TMEM266: variants seen among roughly 807,000 people sequenced by gnomAD.
TMEM266 encodes the protein Hv1 related protein 1.
Under a neutral mutation model 50.5 loss-of-function variants are expected in TMEM266, and 33 were observed. That is an observed-to-expected ratio of 0.65 (90% CI 0.50 to 0.87). The LOEUF is 0.87. Among genes scored for constraint, TMEM266 ranks in the 40% least tolerant of loss-of-function variants. The probability of loss-of-function intolerance (pLI) is 0.00; values close to 1 mark genes in which losing one functional copy is unlikely to be tolerated. For synonymous variants in TMEM266, 310 were observed against 292.3 expected (o/e 1.06, Z -0.62); for missense variants, 655 against 695.1 (o/e 0.94, Z 0.65).
At chr15:76,122,760 G>A (rs1294830863) in intron 1 of TMEM266, among the ~76,000 whole-genome samples, 1 of 152,144 alleles carries the variant, frequency 6.6e-6, no homozygotes, top group Non-Finnish European at 1.5e-5. Flanking sequence ...ATCAGGCTGG[G>A]GCTGAGGATT....
Position 76,190,044 on chromosome 15 carries a change from T to C in TMEM266, c.769-1924T>C, listed in dbSNP as rs1390000258. ...GTGAATGCTTTTAGTTGTATGTGTT[T>C]TACGTTCATAAAAGTAAAATCAACA... On this transcript the variant is annotated intron_variant, in intron 8 of 10. Transcript: ENST00000388942. Among the ~76,000 whole-genome samples, 14 of 152,306 alleles carry C rather than the reference T, an allele frequency of 9.2e-5. No homozygotes were observed. The East Asian group carries it at 2.5e-3, about 27-fold the overall frequency.
chr15:76,080,793 C>G (rs1215167559), intron 1 of TMEM266, among the ~76,000 whole-genome samples: 1 of 152,062 alleles, frequency 6.6e-6, no homozygotes, highest in East Asian at 1.9e-4. Flanking sequence ...GCCACCCAAG[C>G]TAGAGTGAAA....
chr15:76,130,662 A>G (rs565322861), intron 1 of TMEM266, among the ~76,000 whole-genome samples: 1 of 152,232 alleles, frequency 6.6e-6, no homozygotes, highest in African/African-American at 2.4e-5. Flanking sequence ...GGCATCTAGG[A>G]TTTATTCCAA....
At position 76,204,246 on chromosome 15, in the gene TMEM266, C is replaced by T; in HGVS notation, c.1527C>T (p.Pro509=). The T allele has an allele frequency of 3.7e-6, 6 of 1,614,006 alleles. No homozygotes were observed. Among genetic ancestry groups the T allele is most frequent in the Admixed American group, 1.7e-5 (1 of 60,032 alleles). ...TCATCCACTTCCAGCCCACTGTGCC[C>T]ATGCTGGAGGACAAGTTCAGATCTT... Residue 509 remains proline, a synonymous_variant, in exon 11 of 11, where the codon CCC becomes CCT. Transcript: ENST00000388942.
chr15:76,150,971 G>T (rs2037832957), intron 3 of TMEM266, among the ~76,000 whole-genome samples: 1 of 152,170 alleles, frequency 6.6e-6, no homozygotes, highest in African/African-American at 2.4e-5. Context: ...TTTCTCTGAG[G>T]CCTCAAGAGT....
chr15:76,199,169 C>T (rs2038701478), intron 9 of TMEM266, among the ~76,000 whole-genome samples: 1 of 152,200 alleles, frequency 6.6e-6, no homozygotes, highest in Non-Finnish European at 1.5e-5. Flanking sequence ...GAGAGAGGCA[C>T]TAAAAAGTGC....
In TMEM266 at chr15:76,202,222, A is replaced by G. The variant is rs1469362051; in HGVS notation, c.979A>G (p.Met327Val). The change falls in exon 10 of 11, where the codon ATG (methionine) becomes GTG (valine). Residue 327 changes from methionine to valine, a missense_variant. This residue lies in a region of TMEM266 where 455 missense variants were observed against 401.8 expected (regional missense o/e 1.13). Coordinates refer to ENST00000388942, the MANE Select transcript of TMEM266 (RefSeq NM_152335.3). Reference sequence around the variant, plus strand: ...TGTAGAAGCCACGATGAAGGACGACATGAACAGCTACATCAGTCAGTATTA... The same window carrying G: ...TGTAGAAGCCACGATGAAGGACGACGTGAACAGCTACATCAGTCAGTATTA... The G allele has an allele frequency of 2.0e-5, 33 of 1,613,888 alleles. No homozygotes were observed. The Admixed American group carries it at 5.2e-4, about 25-fold the overall frequency.
intron 1 of TMEM266, among the ~76,000 whole-genome samples, chr15:76,132,751 C>T (rs113066824): frequency 1.3e-4 from 19 of 150,728 alleles, no homozygotes; most frequent in Middle Eastern, 3.4e-3. Flanking sequence ...GCCAAAATTG[C>T]GCCACTGCAC....
chr15:76,082,461 A>G (rs942900590), intron 1 of TMEM266, among the ~76,000 whole-genome samples: 1 of 152,224 alleles, frequency 6.6e-6, no homozygotes, highest in African/African-American at 2.4e-5. Context: ...ATAATGTATT[A>G]TAATGTTTTG....
chr15:76,133,483 T>A (rs2142028965), intron 1 of TMEM266, among the ~76,000 whole-genome samples: 1 of 152,194 alleles, frequency 6.6e-6, no homozygotes, highest in East Asian at 1.9e-4. Context: ...AATCCAACAC[T>A]TATATAGTAC....
At chr15:76,088,422 G>A (rs2036803150) in intron 1 of TMEM266, among the ~76,000 whole-genome samples, 1 of 152,186 alleles carries the variant, frequency 6.6e-6, no homozygotes, top group African/African-American at 2.4e-5. Context: ...AGAGGCCAAG[G>A]CAGGAGGATC....
At chr15:76,170,444 G>A (rs761680978) in intron 6 of TMEM266, among the ~76,000 whole-genome samples, 24 of 152,244 alleles carry the variant, frequency 1.6e-4, no homozygotes, top group Admixed American at 3.9e-4. Flanking sequence ...GGGCCTGGCC[G>A]ATGGATGGCT....
At chr15:76,171,221 C>A in intron 7 of TMEM266, 90 bp downstream of exon 7, 1 of 1,521,490 alleles carries the variant, frequency 6.6e-7, no homozygotes. Flanking sequence ...TGGGGGTACA[C>A]CCTGCTGGCG....
chr15:76,073,091 C>T (rs1567140881), intron 1 of TMEM266, among the ~76,000 whole-genome samples: 2 of 151,618 alleles, frequency 1.3e-5, no homozygotes, highest in African/African-American at 4.9e-5. Context: ...GTCACCACAC[C>T]CAGCTAATTT....
At chr15:76,202,062 A>G (rs2038756760) in intron 9 of TMEM266, 140 bp from the exon 10 acceptor site, 2 of 670,066 alleles carry the variant, frequency 3.0e-6, no homozygotes, top group East Asian at 2.8e-5. Flanking sequence ...ATGGAGAACT[A>G]AGAGGCAGCT....
intron 5 of TMEM266, among the ~76,000 whole-genome samples, chr15:76,165,634 G>A (rs1403920549): frequency 6.6e-6 from 1 of 152,232 alleles, no homozygotes; most frequent in African/African-American, 2.4e-5. Context: ...CTGGGGCTAT[G>A]GCTGGGGGTG....
chr15:76,105,993 A>G (rs1046963230), intron 1 of TMEM266, among the ~76,000 whole-genome samples: 5 of 152,142 alleles, frequency 3.3e-5, no homozygotes, highest in African/African-American at 1.2e-4. Flanking sequence ...CTCACGTTCT[A>G]CTGTGTTCAT....
At chr15:76,081,752 A>G (rs1211483273) in intron 1 of TMEM266, among the ~76,000 whole-genome samples, 2 of 152,124 alleles carry the variant, frequency 1.3e-5, no homozygotes, top group Non-Finnish European at 2.9e-5. Context: ...TTCCAACACT[A>G]CCAGTTACAT....
intron 8 of TMEM266, among the ~76,000 whole-genome samples, chr15:76,190,310 G>A (rs1023253336): frequency 6.6e-6 from 1 of 152,220 alleles, no homozygotes; most frequent in Non-Finnish European, 1.5e-5. Context: ...TTGGGGTCAG[G>A]TCACGGGAGA....
Sources: allele counts gnomAD v4.1 joint callset (sites outside exome capture counted in the v4.1 genomes callset), GRCh38; gene constraint gnomAD v4.1.1; regional missense constraint gnomAD v4.1.1; transcripts MANE v1.5; gene names NCBI Gene and HGNC (gene_info 2026-07-23, HGNC 2026-07-21).